Variants in P3H2 observed in about 807,000 individuals in gnomAD.
The protein encoded by P3H2 is leprecan-like 1.
Under a neutral mutation model 87.0 loss-of-function variants are expected in P3H2, and 80 were observed. The observed-to-expected ratio is 0.92, with a 90% CI of 0.77 to 1.11. The LOEUF (loss-of-function observed/expected upper bound fraction) is 1.11, where lower values mean the gene tolerates loss of function less well. Ranked by LOEUF, P3H2 falls within the 50% of genes least tolerant of loss-of-function variation. P3H2 has a pLI of 0.00. For missense variants in P3H2, 1,001 were observed against 923.9 expected (o/e 1.08, Z -1.08); for synonymous variants, 367 against 359.3 (o/e 1.02, Z -0.24).
intron 14 of P3H2, among the ~76,000 whole-genome samples, chr3:189,960,205 G>A (rs1186606025): frequency 6.6e-6 from 1 of 152,220 alleles, no homozygotes; most frequent in Non-Finnish European, 1.5e-5. Context: ...TGTTTGGCGA[G>A]GCCTCACAAT....
At chr3:189,999,108 C>T (rs998537860) in intron 1 of P3H2, among the ~76,000 whole-genome samples, 1 of 152,210 alleles carries the variant, frequency 6.6e-6, no homozygotes, top group African/African-American at 2.4e-5. Flanking sequence ...TTAATAAAAA[C>T]TTCTCTGAAA....
At chr3:189,969,612 C>T in intron 13 of P3H2, 1 of 1,212,268 alleles carries the variant, frequency 8.2e-7, no homozygotes, top group Non-Finnish European at 1.2e-6. Context: ...GTACAGCCCT[C>T]TTCCTTCAAA....
At chr3:190,058,087 G>A (rs1398295432) in intron 1 of P3H2, among the ~76,000 whole-genome samples, 3 of 152,138 alleles carry the variant, frequency 2.0e-5, no homozygotes, top group Non-Finnish European at 4.4e-5. Flanking sequence ...AAGACTGTAA[G>A]GAAGAGCATG....
chr3:189,986,970 G>A (rs1723721210), intron 5 of P3H2, 93 bp from the exon 6 acceptor site: 7 of 841,450 alleles, frequency 8.3e-6, no homozygotes, highest in Non-Finnish European at 1.4e-5. Flanking sequence ...TCATTAGATA[G>A]TCACAAATGA....
intron 12 of P3H2, chr3:189,971,527 T>C (rs561774313): frequency 1.4e-4 from 41 of 289,380 alleles, no homozygotes; most frequent in Non-Finnish European, 2.5e-4. Context: ...AGATAATTGA[T>C]GTGATAAAGT....
chr3:190,021,866 G>A (rs1244337974), intron 1 of P3H2, among the ~76,000 whole-genome samples: 1 of 134,982 alleles, frequency 7.4e-6, no homozygotes, highest in South Asian at 2.6e-4. Context: ...TCTGGATTTC[G>A]TTAGACAACT....
Position 189,999,793 on chromosome 3 carries a change from AC to A in P3H2, c.481-4352del, listed in dbSNP as rs1560355914. On this transcript the variant is annotated intron_variant, in intron 1 of 14. Transcript: ENST00000319332. ...ATGGTATTGACGTTTAGGGGAGGCCACTGAGATGTCAGAAATACTGGTAAAA... is the reference window on the plus strand; with the variant it reads ...ATGGTATTGACGTTTAGGGGAGGCCATGAGATGTCAGAAATACTGGTAAAA... 2.6e-5 allele frequency among the ~76,000 whole-genome samples: 4 copies of A among 152,348 alleles called. No individual in the cohort carries two copies. The East Asian group carries it at 7.7e-4, about 29-fold the overall frequency.
At chr3:190,053,273 A>T (rs1008453573) in intron 1 of P3H2, among the ~76,000 whole-genome samples, 2 of 152,094 alleles carry the variant, frequency 1.3e-5, no homozygotes, top group African/African-American at 4.8e-5. Flanking sequence ...TGTTATCCAC[A>T]TATCATATTT....
At chr3:190,042,318 A>G (rs1418857218) in intron 1 of P3H2, among the ~76,000 whole-genome samples, 1 of 152,124 alleles carries the variant, frequency 6.6e-6, no homozygotes. Context: ...TGACAGCAGA[A>G]AGTATATGGT....
intron 1 of P3H2, among the ~76,000 whole-genome samples, chr3:190,038,810 G>A (rs1725507041): frequency 1.3e-5 from 2 of 152,160 alleles, no homozygotes; most frequent in Admixed American, 1.3e-4. Context: ...TCACATTTAT[G>A]GACAAGGCAG....
At chr3:189,990,737 T>C (rs977006685) in intron 3 of P3H2, among the ~76,000 whole-genome samples, 1 of 152,260 alleles carries the variant, frequency 6.6e-6, no homozygotes, top group African/African-American at 2.4e-5. Context: ...AGAATTTACA[T>C]AGTGAGAGCT....
intron 1 of P3H2, among the ~76,000 whole-genome samples, chr3:190,015,551 A>C (rs2108937282): frequency 6.6e-6 from 1 of 152,198 alleles, no homozygotes; most frequent in East Asian, 1.9e-4. Context: ...TCTGGCATGA[A>C]CTTTTTTTGT....
At position 190,014,975 on chromosome 3, in the gene P3H2, A is replaced by G. The variant is rs149031429; in HGVS notation, c.481-19533T>C. On this transcript the variant is annotated intron_variant, in intron 1 of 14. Coordinates refer to ENST00000319332, the MANE Select transcript of P3H2 (RefSeq NM_018192.4). ...TCAATATCTCTGAATCTGCTGCTTC[A>G]TCTGTAAAATGAAGGGTTGGGCCAG... Among the ~76,000 whole-genome samples the G allele has an allele frequency of 2.2e-3, 339 of 152,288 alleles. 2 individuals carry two copies. Among genetic ancestry groups the G allele is most frequent in the Non-Finnish European group, 3.9e-3 (268 of 68,022 alleles).
intron 1 of P3H2, among the ~76,000 whole-genome samples, chr3:190,061,605 G>T (rs1012499195): frequency 6.6e-6 from 1 of 152,052 alleles, no homozygotes; most frequent in Non-Finnish European, 1.5e-5. Flanking sequence ...GTTCATTTCT[G>T]CCATGTCCTG....
chr3:190,071,988 T>G (rs949349667), intron 1 of P3H2, among the ~76,000 whole-genome samples: 2 of 150,324 alleles, frequency 1.3e-5, no homozygotes, highest in Admixed American at 6.6e-5. Flanking sequence ...GTTTTTTTTT[T>G]TTTTTTTTTT....
intron 1 of P3H2, among the ~76,000 whole-genome samples, chr3:190,030,855 T>C (rs550827275): frequency 6.6e-6 from 1 of 152,258 alleles, no homozygotes; most frequent in East Asian, 1.9e-4. Context: ...AATGAGAATA[T>C]TACATAAAAT....
intron 3 of P3H2, among the ~76,000 whole-genome samples, chr3:189,989,819 G>A (rs1440341572): frequency 6.6e-6 from 1 of 152,118 alleles, no homozygotes; most frequent in Non-Finnish European, 1.5e-5. Context: ...AAGTGTTAGG[G>A]TCTTCATGCC....
intron 1 of P3H2, among the ~76,000 whole-genome samples, chr3:190,083,547 A>C (rs1370849592): frequency 2.6e-5 from 4 of 152,238 alleles, no homozygotes; most frequent in Admixed American, 6.5e-5. Context: ...TAGAAATTAC[A>C]TCTGTCATCA....
In P3H2 at chr3:190,120,536, C is replaced by T. The variant is rs752644553; in HGVS notation, c.196G>A (p.Asp66Asn). 148 of 1,505,370 alleles carry T rather than the reference C, an allele frequency of 9.8e-5. No individual in the cohort carries two copies. The highest frequency in any genetic ancestry group is 1.2e-4 in the Non-Finnish European group (138 of 1,135,662). The allele number at this position is 1,505,370 out of a possible 1,614,324, so 93.3% of individuals were successfully genotyped here. The change falls in exon 1 of 15, where the codon GAC (aspartate) becomes AAC (asparagine). Residue 66 changes from aspartate (D) to asparagine (N), a missense_variant. Coordinates refer to ENST00000319332, the MANE Select transcript of P3H2 (RefSeq NM_018192.4). ...YSGDYERAVR[D>N]LEAALRSHRR... Reference sequence around the variant, plus strand: ...TGGCTGCGCAGCGCCGCTTCCAAGTCGCGCACCGCTCGCTCGTAGTCTCCG... The same window carrying T: ...TGGCTGCGCAGCGCCGCTTCCAAGTTGCGCACCGCTCGCTCGTAGTCTCCG...
Sources: allele counts gnomAD v4.1 joint callset (sites outside exome capture counted in the v4.1 genomes callset), GRCh38; gene constraint gnomAD v4.1.1; transcripts MANE v1.5; gene names NCBI Gene and HGNC (gene_info 2026-07-23, HGNC 2026-07-21).